The following MORC1 variants were observed in gnomAD, a reference collection of about 807,000 sequenced individuals.
The protein encoded by MORC1 is MORC family CW-type zinc finger 1.
In MORC1, 59 loss-of-function variants were observed where a neutral mutation model predicts 134.9. That is an observed-to-expected ratio of 0.44 (90% CI 0.35 to 0.54). The LOEUF (loss-of-function observed/expected upper bound fraction) is 0.54. MORC1 is among the 20% of genes least tolerant of loss of function. The pLI is 0.00. For synonymous variants in MORC1, 395 were observed against 391.7 expected (o/e 1.01, Z -0.10); for missense variants, 947 against 1,134.5 (o/e 0.83, Z 2.37).
intron 14 of MORC1, among the ~76,000 whole-genome samples, chr3:109,045,242 A>G (rs772794683): frequency 2.6e-5 from 4 of 152,150 alleles, no homozygotes; most frequent in Non-Finnish European, 5.9e-5. Flanking sequence ...ATCTCCTGAG[A>G]TCGAAATTTC....
In MORC1 at chr3:109,057,441, G is replaced by A. The variant is rs369056513; in HGVS notation, c.1077C>T (p.Asn359=). Reference sequence around the variant, plus strand: ...TTCCAGCTTGGCTTCGGTTTTCTACGTTCACTCCATAGAACAGGGAGAGCG... The same window carrying A: ...TTCCAGCTTGGCTTCGGTTTTCTACATTCACTCCATAGAACAGGGAGAGCG... ...ARTLSLFYGV[N]VENRSQAGMF... Residue 359 remains asparagine, a synonymous_variant, in exon 13 of 28, where the codon AAC becomes AAT. Coordinates refer to ENST00000232603, the MANE Select transcript of MORC1 (RefSeq NM_014429.4). The A allele has an allele frequency of 4.8e-5, 78 of 1,610,954 alleles. No individual in the cohort carries two copies. Among genetic ancestry groups the A allele is most frequent in the Non-Finnish European group, 5.6e-5 (66 of 1,178,480 alleles).
intron 10 of MORC1, 111 bp downstream of exon 10, chr3:109,063,041 T>C (rs1444490521): frequency 1.5e-6 from 1 of 663,420 alleles, no homozygotes; most frequent in East Asian, 2.6e-5. Flanking sequence ...ATTTAATTAA[T>C]TGTAGTAGCT....
chr3:108,974,657 A>G (rs952208270), intron 24 of MORC1, among the ~76,000 whole-genome samples: 6 of 152,228 alleles, frequency 3.9e-5, no homozygotes, highest in Non-Finnish European at 7.3e-5. Flanking sequence ...TTTCAATGGG[A>G]CTTTTGTCCC....
At chr3:109,000,481 G>A (rs1948373007) in intron 21 of MORC1, 76 bp downstream of exon 21, 2 of 1,098,198 alleles carry the variant, frequency 1.8e-6, no homozygotes, top group African/African-American at 1.6e-5. Flanking sequence ...CCACTACTTT[G>A]AGACACTAAC....
At chr3:109,084,713 C>A (rs955919551) in intron 8 of MORC1, among the ~76,000 whole-genome samples, 13 of 151,790 alleles carry the variant, frequency 8.6e-5, no homozygotes, top group African/African-American at 2.4e-4. Flanking sequence ...TCAAAAAAAA[C>A]CAAAGAACAT....
chr3:108,969,837 C>A, intron 25 of MORC1, 115 bp from the exon 26 acceptor site: 1 of 935,120 alleles, frequency 1.1e-6, no homozygotes, highest in Non-Finnish European at 1.7e-6. Context: ...CTAGAACTGG[C>A]CAACATTGGT....
chr3:109,100,463 G>A lies in MORC1; in HGVS notation c.268C>T (p.Leu90=). The A allele has an allele frequency of 6.2e-7, 1 of 1,613,768 alleles. No individual in the cohort carries two copies. The highest frequency in any genetic ancestry group is 8.5e-7 in the Non-Finnish European group (1 of 1,179,742). The part of the protein sequence containing the change: ...IIYFGRSKKR[L]STLKFIGQYG... ...TGCCCTATGAACTTCAAGGTTGACA[G>A]CCGTTTTTTGGATCGTCCAAAGTAA... is the stretch of plus-strand genomic sequence containing the variant. The change falls in exon 5 of 28, where the codon CTG becomes TTG. Residue 90 remains leucine (L), a synonymous_variant. Transcript: ENST00000232603.
At position 109,003,981 on chromosome 3, in the gene MORC1, A is replaced by G. The variant is rs1435480692; in HGVS notation, c.2085+836T>C. Among the ~76,000 whole-genome samples, 3 of 152,226 alleles carry G rather than the reference A, an allele frequency of 2.0e-5. No homozygotes were observed. The East Asian group carries it at 5.8e-4, about 29-fold the overall frequency. ...GAGAGATTTCTATAATGTAACTACT[A>G]TTCAAAATAATTCCTTTTGAAGCTT... On this transcript the variant is annotated intron_variant, in intron 20 of 27. Transcript: ENST00000232603.
intron 23 of MORC1, among the ~76,000 whole-genome samples, chr3:108,982,156 T>C (rs1393237070): frequency 1.3e-5 from 2 of 152,198 alleles, no homozygotes; most frequent in Non-Finnish European, 2.9e-5. Flanking sequence ...GAAAAGACGC[T>C]CATCATCACT....
At chr3:109,067,616 G>A (rs1266533039) in intron 9 of MORC1, among the ~76,000 whole-genome samples, 10 of 152,206 alleles carry the variant, frequency 6.6e-5, no homozygotes, top group Admixed American at 1.3e-4. Context: ...TGAAAAGATC[G>A]GCTATATTGA....
At chr3:109,117,876 A>T in intron 1 of MORC1, 119 bp downstream of exon 1, 1 of 864,408 alleles carries the variant, frequency 1.2e-6, no homozygotes, top group Non-Finnish European at 1.9e-6. Flanking sequence ...CAGCTCAAAT[A>T]AATAAATAAA....
At chr3:109,093,591 T>C (rs774147090) in intron 7 of MORC1, 50 bp from the exon 8 acceptor site, 1 of 1,276,972 alleles carries the variant, frequency 7.8e-7, no homozygotes, top group South Asian at 1.2e-5. Context: ...ATACACTAAA[T>C]GCTAGTCATT....
intron 17 of MORC1, among the ~76,000 whole-genome samples, chr3:109,023,027 G>A (rs1229706705): frequency 1.4e-5 from 2 of 145,524 alleles, no homozygotes; most frequent in African/African-American, 5.3e-5. Flanking sequence ...TTTCTAAGTA[G>A]GTAAATGAAA....
At chr3:108,967,554 T>G (rs1947258240) in intron 26 of MORC1, among the ~76,000 whole-genome samples, 1 of 152,192 alleles carries the variant, frequency 6.6e-6, no homozygotes, top group Non-Finnish European at 1.5e-5. Flanking sequence ...CCTCAATATA[T>G]GTCTCATGAT....
chr3:108,979,392 T>C, intron 24 of MORC1, 123 bp downstream of exon 24: 1 of 1,073,878 alleles, frequency 9.3e-7, no homozygotes, highest in Non-Finnish European at 1.4e-6. Context: ...AGGAGACAAG[T>C]CATAATGTCA....
intron 4 of MORC1, chr3:109,101,307 G>A (rs955444791): frequency 6.6e-6 from 1 of 152,146 alleles, no homozygotes; most frequent in Non-Finnish European, 1.5e-5. Context: ...GGGGCAGGAT[G>A]ACCTCTGCTC....
chr3:108,968,842 A>C (rs1206209233), intron 26 of MORC1, among the ~76,000 whole-genome samples: 2 of 152,190 alleles, frequency 1.3e-5, no homozygotes, highest in Non-Finnish European at 2.9e-5. Context: ...CTGGTGTCAA[A>C]GTTCTTGACT....
intron 24 of MORC1, among the ~76,000 whole-genome samples, chr3:108,978,696 T>C (rs1055426365): frequency 6.6e-6 from 1 of 152,212 alleles, no homozygotes; most frequent in African/African-American, 2.4e-5. Flanking sequence ...TTGAGAACTC[T>C]CATCTTCAGG....
intron 15 of MORC1, among the ~76,000 whole-genome samples, chr3:109,035,046 G>C (rs920021652): frequency 2.0e-5 from 3 of 152,090 alleles, no homozygotes; most frequent in African/African-American, 7.2e-5. Flanking sequence ...ACCATGCCTG[G>C]CCTGAAACTA....
Sources: gnomAD v4.1 joint callset for allele counts (sites outside exome capture counted in the v4.1 genomes callset) on GRCh38, gnomAD v4.1.1 for gene constraint, MANE v1.5 for transcripts, NCBI Gene and HGNC (gene_info 2026-07-23, HGNC 2026-07-21) for gene names.